Variants in BTBD10 observed in about 807,000 individuals in gnomAD.
BTBD10 encodes BTB domain containing 10.
BTBD10 carries 21 observed loss-of-function variants against 53.2 expected under a neutral mutation model. That is an observed-to-expected ratio of 0.39 (90% CI 0.28 to 0.57). The LOEUF (loss-of-function observed/expected upper bound fraction) is 0.57. Among genes scored for constraint, BTBD10 ranks in the 20% least tolerant of loss-of-function variants. The pLI, the probability that BTBD10 is intolerant of heterozygous loss-of-function variation, is 0.53. For missense variants in BTBD10, 360 were observed against 594.7 expected (o/e 0.61, Z 4.10); for synonymous variants, 149 against 192.7 (o/e 0.77, Z 1.88).
At chr11:13,442,000 T>C (rs2134025163) in intron 2 of BTBD10, among the ~76,000 whole-genome samples, 1 of 152,250 alleles carries the variant, frequency 6.6e-6, no homozygotes, top group Non-Finnish European at 1.5e-5. Flanking sequence ...CCTTCTTGTC[T>C]AGAAAGTGAA....
In BTBD10 at chr11:13,450,154, C is replaced by T. The variant is rs548319986; in HGVS notation, c.-57-4973G>A. 8.5e-5 allele frequency among the ~76,000 whole-genome samples: 13 copies of T among 152,198 alleles called. No individual in the cohort carries two copies. The South Asian group carries it at 1.7e-3, about 19-fold the overall frequency. On this transcript the variant is annotated intron_variant, in intron 1 of 8. Transcript: ENST00000278174. ...ATTACATAGTGATCCCAGAATCAGA[C>T]GACAAGGGCTGCCTTCAGCTACAGA...
At position 13,417,175 on chromosome 11, in the gene BTBD10, C is replaced by T; in HGVS notation, c.670G>A (p.Val224Met). ...YEVAEGIGST[V>M]FRAILDYYKT... The stretch of plus-strand genomic sequence containing the variant: ...ACACTCACCAGAATCGCTCGAAACA[C>T]AGTGGAACCAATTCCCTCTGCCACC... Residue 224 changes from valine to methionine, a missense_variant, in exon 5 of 9, where the codon GTG becomes ATG. Val to Met is a conservative substitution (Grantham distance 21). Around this residue, in one of 6 missense-constraint regions of BTBD10, gnomAD observed 91 missense variants for 171.7 expected, o/e 0.53. Coordinates refer to ENST00000278174, the MANE Select transcript of BTBD10 (RefSeq NM_032320.7). 6.2e-7 allele frequency: 1 copy of T among 1,612,942 alleles called. No individual in the cohort carries two copies. Among genetic ancestry groups the T allele is most frequent in the East Asian group, 2.2e-5 (1 of 44,840 alleles).
chr11:13,432,245 A>G (rs1347838910), intron 2 of BTBD10, among the ~76,000 whole-genome samples: 1 of 152,120 alleles, frequency 6.6e-6, no homozygotes, highest in Non-Finnish European at 1.5e-5. Context: ...GCATAAGAGA[A>G]TTTCTTTGTG....
At chr11:13,401,214 A>G (rs1180322428) in intron 8 of BTBD10, among the ~76,000 whole-genome samples, 1 of 151,788 alleles carries the variant, frequency 6.6e-6, no homozygotes, top group African/African-American at 2.4e-5. Flanking sequence ...AGTAACTAGT[A>G]CTTGTTATAG....
chr11:13,391,960 TAGACAGA>T (rs1949419316), intron 8 of BTBD10, among the ~76,000 whole-genome samples: 1 of 151,988 alleles, frequency 6.6e-6, no homozygotes, highest in African/African-American at 2.4e-5. Context: ...GATAAATAGA[TAGACAGA>T]AGACAGACAG....
intron 8 of BTBD10, among the ~76,000 whole-genome samples, chr11:13,391,672 T>C (rs1949407991): frequency 6.6e-6 from 1 of 152,224 alleles, no homozygotes; most frequent in Non-Finnish European, 1.5e-5. Flanking sequence ...TCAACATTTT[T>C]TCCTTTAAAA....
At chr11:13,452,149 T>C (rs1214204330) in intron 1 of BTBD10, among the ~76,000 whole-genome samples, 2 of 152,306 alleles carry the variant, frequency 1.3e-5, no homozygotes, top group East Asian at 1.9e-4. Flanking sequence ...AGGTAAGTTA[T>C]TGAATACACA....
chr11:13,389,116 T>C lies in BTBD10; in HGVS notation c.1143A>G (p.Val381=), dbSNP rs750003509. The C allele has an allele frequency of 4.3e-6, 7 of 1,612,014 alleles. No individual in the cohort carries two copies. The highest frequency in any genetic ancestry group is 5.9e-6 in the Non-Finnish European group (7 of 1,179,212). Residue 381 remains valine (V), a synonymous_variant, in exon 9 of 9, where the codon GTA becomes GTG. Coordinates refer to ENST00000278174, the MANE Select transcript of BTBD10 (RefSeq NM_032320.7). ...IEGYPTYKEK[V]KKRPGGRPEV... ...CTGGGCGGCCTCCAGGCCTTTTCTT[T>C]ACTTTTTCTTTGTAGGTAGGATAAC...
intron 1 of BTBD10, among the ~76,000 whole-genome samples, chr11:13,447,124 C>A (rs1950763057): frequency 6.6e-6 from 1 of 152,048 alleles, no homozygotes; most frequent in Admixed American, 6.6e-5. Context: ...TCTTTCTCTT[C>A]TTTTCTTTCT....
intron 8 of BTBD10, among the ~76,000 whole-genome samples, chr11:13,399,618 G>A (rs1223820516): frequency 6.6e-6 from 1 of 152,128 alleles, no homozygotes; most frequent in Non-Finnish European, 1.5e-5. Flanking sequence ...AGGAGGAGAG[G>A]CGCTCTGATT....
intron 6 of BTBD10, among the ~76,000 whole-genome samples, chr11:13,409,143 A>G (rs57512793): frequency 0.034 from 5,169 of 151,858 alleles, 288 homozygotes; most frequent in African/African-American, 0.12. Context: ...ACTCTCACTC[A>G]CTCCACTCCA....
intron 1 of BTBD10, among the ~76,000 whole-genome samples, chr11:13,448,949 T>A (rs932237105): frequency 2.7e-4 from 41 of 152,174 alleles, no homozygotes; most frequent in African/African-American, 7.7e-4. Flanking sequence ...TGTTTAGGCA[T>A]GATAGAAATA....
At chr11:13,429,967 G>A (rs1950416761) in intron 2 of BTBD10, among the ~76,000 whole-genome samples, 1 of 152,046 alleles carries the variant, frequency 6.6e-6, no homozygotes, top group South Asian at 2.1e-4. Flanking sequence ...TTAGCCAGGA[G>A]TGGTGGCAGG....
intron 8 of BTBD10, among the ~76,000 whole-genome samples, chr11:13,393,067 C>A (rs1205353369): frequency 6.6e-6 from 1 of 152,118 alleles, no homozygotes; most frequent in Non-Finnish European, 1.5e-5. Context: ...CAAAGAAGTG[C>A]CTTTTGGTGG....
At chr11:13,417,706 G>C (rs530244991) in intron 4 of BTBD10, among the ~76,000 whole-genome samples, 1 of 152,160 alleles carries the variant, frequency 6.6e-6, no homozygotes, top group Admixed American at 6.5e-5. Context: ...CTGAGACAAA[G>C]TGATATGATA....
intron 5 of BTBD10, among the ~76,000 whole-genome samples, chr11:13,414,632 C>G (rs529070303): frequency 2.7e-5 from 4 of 149,948 alleles, no homozygotes; most frequent in Admixed American, 6.6e-5. Context: ...CCAGCCTGGG[C>G]GACAGAGCAA....
At chr11:13,406,050 C>T (rs1462796009) in intron 6 of BTBD10, among the ~76,000 whole-genome samples, 194 bp from the exon 7 acceptor site, 3 of 152,108 alleles carry the variant, frequency 2.0e-5, no homozygotes, top group East Asian at 1.9e-4. Flanking sequence ...CCTAGCCTAG[C>T]GTATTTTTCA....
At chr11:13,392,776 C>T (rs762331049) in intron 8 of BTBD10, among the ~76,000 whole-genome samples, 3 of 152,148 alleles carry the variant, frequency 2.0e-5, no homozygotes, top group African/African-American at 7.2e-5. Context: ...TACTTTGCCT[C>T]GCATTTCCTA....
intron 8 of BTBD10, among the ~76,000 whole-genome samples, chr11:13,399,234 CT>C (rs1453751402): frequency 6.6e-6 from 1 of 152,176 alleles, no homozygotes; most frequent in Non-Finnish European, 1.5e-5. Flanking sequence ...TTCTTGGAGG[CT>C]TTGTTCGTTT....
Sources: allele counts gnomAD v4.1 joint callset (sites outside exome capture counted in the v4.1 genomes callset), GRCh38; gene constraint gnomAD v4.1.1; regional missense constraint gnomAD v4.1.1; transcripts MANE v1.5; gene names NCBI Gene and HGNC (gene_info 2026-07-23, HGNC 2026-07-21).